Variants in PNKD observed in about 807,000 individuals in gnomAD.
The protein encoded by PNKD is PNKD metallo-beta-lactamase domain containing, also known as probable thioesterase PNKD.
Under a neutral mutation model 45.3 loss-of-function variants are expected in PNKD, and 36 were observed. The ratio of observed to expected loss-of-function variants is 0.80; its 90% CI spans 0.61 to 1.05. PNKD has a LOEUF of 1.05. PNKD is among the 50% of genes least tolerant of loss of function. The pLI, the probability that PNKD is intolerant of heterozygous loss-of-function variation, is 0.00. For missense variants in PNKD, 511 were observed against 506.6 expected (o/e 1.01, Z -0.08); for synonymous variants, 197 against 210.1 (o/e 0.94, Z 0.54).
chr2:218,299,291 G>A (rs1412302871), intron 2 of PNKD, among the ~76,000 whole-genome samples: 4 of 151,934 alleles, frequency 2.6e-5, no homozygotes, highest in South Asian at 2.1e-4. Context: ...ACAGGCACCC[G>A]CCACCAGGCC....
In PNKD at chr2:218,312,093, G is replaced by A. The variant is rs937321698; in HGVS notation, c.237-27690G>A. On this transcript the variant is annotated intron_variant, in intron 2 of 9. Transcript: ENST00000273077. ...CAGCACATGTTTCTGTGAGCACAGG[G>A]TTGGGGCTAAAGTTACAGGTTAACA... Among the ~76,000 whole-genome samples the A allele has an allele frequency of 3.9e-5, 6 of 152,216 alleles. 1 individual carries two copies. Among genetic ancestry groups the A allele is most frequent in the African/African-American group, 1.4e-4 (6 of 41,462 alleles).
At position 218,272,745 on chromosome 2, in the gene PNKD, T is replaced by A. The variant is rs758910895; in HGVS notation, c.236+1196T>A. On this transcript the variant is annotated intron_variant, in intron 2 of 9. Coordinates refer to ENST00000273077, the MANE Select transcript of PNKD (RefSeq NM_015488.5). ...GAGTGCCCCGTCCCCTGATGTTGGG[T>A]CTGGGGTGCAGACCTGAGGAGCGCT... The A allele has an allele frequency of 5.6e-6, 9 of 1,613,982 alleles. No homozygotes were observed. In the East Asian group the frequency reaches 2.0e-4, roughly 36 times the overall value.
At chr2:218,315,120 CCTTT>C (rs1244999801) in intron 2 of PNKD, among the ~76,000 whole-genome samples, 2,429 of 47,006 alleles carry the variant, frequency 0.052, 103 homozygotes, top group African/African-American at 0.086. Flanking sequence ...TTCCTTCCTT[CCTTT>C]CTTTCTTTCT....
intron 2 of PNKD, chr2:218,323,251 G>T (rs1694044437): frequency 1.4e-6 from 2 of 1,478,944 alleles, no homozygotes; most frequent in African/African-American, 1.5e-5. Flanking sequence ...CCCGGCCGGC[G>T]CGTGCCTGCC....
At chr2:218,279,208 GC>G in intron 2 of PNKD, 1 of 1,563,304 alleles carries the variant, frequency 6.4e-7, no homozygotes, top group Non-Finnish European at 8.7e-7. Flanking sequence ...TGAGAGCAGG[GC>G]CCACCGCCAC....
intron 2 of PNKD, among the ~76,000 whole-genome samples, chr2:218,328,562 AC>A (rs758972179): frequency 2.0e-5 from 3 of 152,186 alleles, no homozygotes; most frequent in Non-Finnish European, 4.4e-5. Flanking sequence ...GGTGGCCCTT[AC>A]TAAATGCCTC....
intron 2 of PNKD, among the ~76,000 whole-genome samples, chr2:218,289,256 A>G (rs570720019): frequency 2.9e-4 from 2 of 6,966 alleles, no homozygotes; most frequent in East Asian, 0.12. Context: ...GGAGGTGGGG[A>G]CCTGAAGTTC....
intron 2 of PNKD, among the ~76,000 whole-genome samples, chr2:218,290,524 G>A (rs545998922): frequency 1.1e-4 from 16 of 152,262 alleles, no homozygotes; most frequent in Admixed American, 1.0e-3. Flanking sequence ...AGGATCTCTG[G>A]CGAGGGTCCT....
At chr2:218,318,938 CTTT>C (rs1188726715) in intron 2 of PNKD, among the ~76,000 whole-genome samples, 45 of 109,538 alleles carry the variant, frequency 4.1e-4, no homozygotes, top group Non-Finnish European at 7.8e-5. Context: ...CAAATCTTTT[CTTT>C]TTTTTTTTCT....
chr2:218,280,006 C>G, intron 2 of PNKD: 3 of 1,609,090 alleles, frequency 1.9e-6, no homozygotes, highest in South Asian at 2.2e-5. Flanking sequence ...GGTACACCCA[C>G]CTCCCAGCGC....
At chr2:218,275,567 G>T in intron 2 of PNKD, 1 of 1,614,052 alleles carries the variant, frequency 6.2e-7, no homozygotes, top group Non-Finnish European at 8.5e-7. Context: ...TAGTCCTCGG[G>T]GCTGATGGTG....
intron 2 of PNKD, chr2:218,273,032 C>G (rs1344494118): frequency 1.0e-6 from 1 of 980,968 alleles, no homozygotes; most frequent in Non-Finnish European, 1.4e-6. Flanking sequence ...TCACAGAGCT[C>G]AGTGTTCCCA....
chr2:218,310,467 C>T (rs1462604258), intron 2 of PNKD, among the ~76,000 whole-genome samples: 1 of 151,950 alleles, frequency 6.6e-6, no homozygotes, highest in Non-Finnish European at 1.5e-5. Flanking sequence ...TGTTATCCCC[C>T]CACCTCGACC....
intron 2 of PNKD, chr2:218,284,258 G>A (rs1045748087): frequency 1.3e-5 from 2 of 152,006 alleles, no homozygotes; most frequent in Non-Finnish European, 2.9e-5. Flanking sequence ...ACCTCCTCAG[G>A]GTGCACCTCT....
intron 2 of PNKD, among the ~76,000 whole-genome samples, chr2:218,311,951 C>T (rs560305232): frequency 2.3e-4 from 35 of 152,284 alleles, no homozygotes; most frequent in African/African-American, 8.4e-4. Context: ...GCATTGTGTC[C>T]CTGGGTAATC....
In PNKD at chr2:218,278,472, A is replaced by G. The variant is rs200923132; in HGVS notation, c.236+6923A>G. On this transcript the variant is annotated intron_variant, in intron 2 of 9. Transcript: ENST00000273077. Reference sequence around the variant, plus strand: ...TCCAAAATACTCGGCCCCCATCCCAATCCCTGTCACCCCTCTCACTGTGTT... The same window carrying G: ...TCCAAAATACTCGGCCCCCATCCCAGTCCCTGTCACCCCTCTCACTGTGTT... The G allele has an allele frequency of 4.9e-4, 779 of 1,600,310 alleles. 3 individuals carry two copies. The highest frequency in any genetic ancestry group is 2.2e-3 in the Middle Eastern group (13 of 6,020).
intron 2 of PNKD, among the ~76,000 whole-genome samples, chr2:218,303,223 C>T (rs1693317324): frequency 1.3e-5 from 2 of 152,298 alleles, no homozygotes; most frequent in South Asian, 4.2e-4. Context: ...CTTGGGATTA[C>T]AGGTGTGAGC....
At chr2:218,309,758 C>G (rs552470036) in intron 2 of PNKD, among the ~76,000 whole-genome samples, 2 of 151,350 alleles carry the variant, frequency 1.3e-5, no homozygotes, top group South Asian at 4.2e-4. Flanking sequence ...ATGGTGAGAC[C>G]CCATCTCTAC....
intron 2 of PNKD, among the ~76,000 whole-genome samples, chr2:218,318,779 C>T (rs1448502755): frequency 1.3e-5 from 2 of 152,004 alleles, no homozygotes; most frequent in Non-Finnish European, 2.9e-5. Flanking sequence ...AATAACATCA[C>T]ATTGTGAAAA....
Sources: gnomAD v4.1 joint callset for allele counts (sites outside exome capture counted in the v4.1 genomes callset) on GRCh38, gnomAD v4.1.1 for gene constraint, MANE v1.5 for transcripts, NCBI Gene and HGNC (gene_info 2026-07-23, HGNC 2026-07-21) for gene names.